CDKAL1: variants seen among roughly 807,000 people sequenced by gnomAD.
The protein encoded by CDKAL1 is CDKAL1 threonylcarbamoyladenosine tRNA methylthiotransferase.
In CDKAL1, 32 loss-of-function variants were observed where a neutral mutation model predicts 68.2. The observed-to-expected ratio is 0.47, with a 90% CI of 0.35 to 0.63. The LOEUF (loss-of-function observed/expected upper bound fraction) is 0.63. CDKAL1 is among the 30% of genes least tolerant of loss of function. CDKAL1 has a pLI of 0.00. For missense variants in CDKAL1, 606 were observed against 696.7 expected, an observed-to-expected ratio of 0.87 and a Z score of 1.47; for synonymous variants, 234 against 244.3, an observed-to-expected ratio of 0.96 and a Z score of 0.39.
chr6:20,540,212 T>G (rs1192841220), intron 2 of CDKAL1, among the ~76,000 whole-genome samples: 1 of 151,582 alleles, frequency 6.6e-6, no homozygotes, highest in Non-Finnish European at 1.5e-5. Context: ...TAGCTGGGGT[T>G]ACAGGCGCTC....
chr6:20,779,399 G>A (rs1482055364), intron 7 of CDKAL1, among the ~76,000 whole-genome samples: 1 of 152,116 alleles, frequency 6.6e-6, no homozygotes, highest in African/African-American at 2.4e-5. Context: ...TCAATCAGCT[G>A]GTCAATGGAT....
chr6:20,649,394 T>G lies in CDKAL1; in HGVS notation c.371+17T>G. ...CTCAATTAAGTAAGTAGAAATTGAT[T>G]TTTTCCTATTTTGTATAATCAAAGT... On this transcript the variant is annotated intron_variant, in intron 5 of 15. Transcript: ENST00000274695. 1 of 1,418,320 alleles carries G rather than the reference T, an allele frequency of 7.1e-7. No homozygotes were observed. The highest frequency in any genetic ancestry group is 9.8e-7 in the Non-Finnish European group (1 of 1,017,958). 87.9% of individuals were successfully genotyped at this position (1,418,320 alleles called of 1,614,324 possible). A position where few individuals can be genotyped will look rare whatever the true frequency, so the allele number is the denominator to read the frequency against.
chr6:20,962,325 T>C (rs1765098120), intron 10 of CDKAL1, among the ~76,000 whole-genome samples: 2 of 152,232 alleles, frequency 1.3e-5, no homozygotes, highest in Admixed American at 6.5e-5. Flanking sequence ...AAATATCTCT[T>C]CTGTTTTTGG....
intron 4 of CDKAL1, among the ~76,000 whole-genome samples, chr6:20,585,095 C>T (rs1224307219): frequency 1.4e-5 from 2 of 138,914 alleles, no homozygotes; most frequent in African/African-American, 2.7e-5. Flanking sequence ...CTCGCTCTGT[C>T]GCCCATGCTG....
At chr6:21,121,924 G>C (rs776135921) in intron 13 of CDKAL1, among the ~76,000 whole-genome samples, 2 of 152,154 alleles carry the variant, frequency 1.3e-5, no homozygotes, top group Admixed American at 6.5e-5. Flanking sequence ...TGCAGTGGTC[G>C]TGGGTTTTGG....
intron 4 of CDKAL1, among the ~76,000 whole-genome samples, chr6:20,563,165 A>G (rs190542302): frequency 6.6e-6 from 1 of 152,358 alleles, no homozygotes; most frequent in African/African-American, 2.4e-5. Flanking sequence ...AGTTTGAGTA[A>G]AATTCTTAGT....
chr6:21,121,529 A>C (rs1317755352), intron 13 of CDKAL1, among the ~76,000 whole-genome samples: 1 of 152,232 alleles, frequency 6.6e-6, no homozygotes, highest in Non-Finnish European at 1.5e-5. Flanking sequence ...GAATCGATGA[A>C]ATTTGCTAAT....
At chr6:20,726,287 C>T (rs1459898233) in intron 5 of CDKAL1, among the ~76,000 whole-genome samples, 1 of 152,110 alleles carries the variant, frequency 6.6e-6, no homozygotes, top group Non-Finnish European at 1.5e-5. Flanking sequence ...CAGCTATGAC[C>T]TGTGTGACCC....
chr6:20,624,075 G>T (rs1330281901), intron 4 of CDKAL1, among the ~76,000 whole-genome samples: 3 of 152,012 alleles, frequency 2.0e-5, no homozygotes, highest in Non-Finnish European at 2.9e-5. Flanking sequence ...GAGGCTTATT[G>T]TAGAGTTCTT....
At chr6:21,222,918 A>C (rs1289998951) in intron 15 of CDKAL1, among the ~76,000 whole-genome samples, 1 of 152,098 alleles carries the variant, frequency 6.6e-6, no homozygotes, top group Non-Finnish European at 1.5e-5. Flanking sequence ...ACGTGTTCTC[A>C]TGTGAGCGCA....
At chr6:21,041,084 A>G (rs1378723912) in intron 11 of CDKAL1, among the ~76,000 whole-genome samples, 1 of 152,208 alleles carries the variant, frequency 6.6e-6, no homozygotes, top group African/African-American at 2.4e-5. Context: ...AACAAAATCT[A>G]TATATGCATA....
chr6:20,671,034 A>G (rs1034415028), intron 5 of CDKAL1, among the ~76,000 whole-genome samples: 2 of 152,188 alleles, frequency 1.3e-5, no homozygotes, highest in African/African-American at 4.8e-5. Flanking sequence ...TATCTTTGGG[A>G]TGAATTTCTA....
intron 12 of CDKAL1, among the ~76,000 whole-genome samples, chr6:21,096,492 C>T (rs1773322603): frequency 6.6e-6 from 1 of 152,154 alleles, no homozygotes; most frequent in Non-Finnish European, 1.5e-5. Context: ...AAGAGAAATA[C>T]TTAATGACAA....
intron 4 of CDKAL1, among the ~76,000 whole-genome samples, chr6:20,576,076 A>T (rs1764896224): frequency 1.3e-5 from 2 of 152,218 alleles, no homozygotes; most frequent in Non-Finnish European, 2.9e-5. Context: ...TTTATCTTTT[A>T]TATTGTATTA....
At chr6:21,127,745 A>G (rs537770286) in intron 13 of CDKAL1, among the ~76,000 whole-genome samples, 1 of 152,280 alleles carries the variant, frequency 6.6e-6, no homozygotes, top group East Asian at 1.9e-4. Context: ...GTGAGACTCT[A>G]TCTCAGGAAT....
At chr6:21,205,697 A>AT (rs1436464768) in intron 15 of CDKAL1, among the ~76,000 whole-genome samples, 4 of 148,714 alleles carry the variant, frequency 2.7e-5, no homozygotes, top group Non-Finnish European at 4.5e-5. Context: ...CGCCCAGCTA[A>AT]TTGTTTTGTA....
chr6:21,108,302 T>A (rs79335870), intron 12 of CDKAL1, 99 bp from the exon 13 acceptor site: 2 of 681,032 alleles, frequency 2.9e-6, no homozygotes, highest in African/African-American at 1.9e-5. Context: ...AAAAAAACTT[T>A]ATGTATGTAG....
intron 6 of CDKAL1, among the ~76,000 whole-genome samples, chr6:20,742,151 G>A (rs906046357): frequency 1.4e-4 from 22 of 151,962 alleles, no homozygotes; most frequent in African/African-American, 5.3e-4. Flanking sequence ...CTTTTTAATA[G>A]GGCTGTTTGT....
chr6:20,594,419 A>G (rs1487648356), intron 4 of CDKAL1, among the ~76,000 whole-genome samples: 1 of 151,900 alleles, frequency 6.6e-6, no homozygotes, highest in African/African-American at 2.4e-5. Flanking sequence ...TGATCCCTTT[A>G]CCATTATGTA....
Sources: allele counts gnomAD v4.1 joint callset (sites outside exome capture counted in the v4.1 genomes callset), GRCh38; gene constraint gnomAD v4.1.1; transcripts MANE v1.5; gene names NCBI Gene and HGNC (gene_info 2026-07-23, HGNC 2026-07-21).